The following CFHR5 variants were observed in gnomAD, a reference collection of about 807,000 sequenced individuals.
CFHR5 encodes complement factor H related 5, also known as complement factor H-related protein 5.
CFHR5 carries 73 observed loss-of-function variants against 62.9 expected under a neutral mutation model. The observed-to-expected ratio is 1.16, with a 90% confidence interval of 0.96 to 1.41. The LOEUF is 1.41. CFHR5 is among the 40% of genes most tolerant of loss of function. The pLI is 0.00. For synonymous variants in CFHR5, 249 were observed against 227.2 expected (o/e 1.10, Z -0.86); for missense variants, 779 against 679.9 (o/e 1.15, Z -1.62).
At chr1:197,002,420 C>T (rs1330970562) in intron 7 of CFHR5, 62 bp from the exon 8 acceptor site, 14 of 1,229,492 alleles carry the variant, frequency 1.1e-5, no homozygotes, top group Non-Finnish European at 1.5e-5. Flanking sequence ...GAAACACTAC[C>T]CTATTGAGCT....
At chr1:196,988,252 G>C (rs1653748236) in intron 3 of CFHR5, among the ~76,000 whole-genome samples, 1 of 152,142 alleles carries the variant, frequency 6.6e-6, no homozygotes, top group South Asian at 2.1e-4. Flanking sequence ...TTGCTTATCA[G>C]CTTAAGGAGA....
Position 196,998,131 on chromosome 1 carries a change from C to T in CFHR5, c.974C>T (p.Thr325Ile). The T allele has an allele frequency of 2.6e-6, 4 of 1,525,358 alleles. No homozygotes were observed. Among genetic ancestry groups the T allele is most frequent in the Non-Finnish European group, 3.6e-6 (4 of 1,124,650 alleles). The allele number at this position is 1,525,358 out of a possible 1,614,324, so 94.5% of individuals were successfully genotyped here. A position where few individuals can be genotyped will look rare whatever the true frequency, so the allele number is the denominator to read the frequency against. Reference sequence around the variant, plus strand: ...TATTTAATATTATTTTTTATAGCAACACACCAACTTAAGAGGTGCAAAATA... The same window carrying T: ...TATTTAATATTATTTTTTATAGCAATACACCAACTTAAGAGGTGCAAAATA... ...IWTELPMCVA[T>I]HQLKRCKIAG... is the part of the protein sequence containing the mutation. Residue 325 changes from threonine (T) to isoleucine (I), a missense_variant, in exon 7 of 10, where the codon ACA becomes ATA. Thr to Ile is a moderately conservative substitution (Grantham distance 89). Transcript: ENST00000256785.
chr1:196,983,471 A>G (rs1464058512), intron 2 of CFHR5, among the ~76,000 whole-genome samples: 3 of 152,126 alleles, frequency 2.0e-5, no homozygotes, highest in African/African-American at 7.2e-5. Context: ...AAGGTTTGGT[A>G]TTTTAACTTT....
At chr1:196,991,218 T>A (rs4915560) in intron 3 of CFHR5, among the ~76,000 whole-genome samples, 1 of 152,152 alleles carries the variant, frequency 6.6e-6, no homozygotes, top group African/African-American at 2.4e-5. Context: ...CTCCATCAGG[T>A]CATTTAAGGT....
chr1:196,980,181 A>G (rs898915479), intron 1 of CFHR5, among the ~76,000 whole-genome samples: 7 of 152,032 alleles, frequency 4.6e-5, no homozygotes, highest in African/African-American at 1.7e-4. Flanking sequence ...GTCCTCTCCT[A>G]TGATAACAAA....
At position 197,002,544 on chromosome 1, in the gene CFHR5, A is replaced by T. The variant is rs776153246; in HGVS notation, c.1210A>T (p.Thr404Ser). The T allele has an allele frequency of 6.2e-7, 1 of 1,613,710 alleles. No individual in the cohort carries two copies. Among genetic ancestry groups the T allele is most frequent in the South Asian group, 1.1e-5 (1 of 91,068 alleles). Residue 404 changes from threonine to serine, a missense_variant, in exon 8 of 10, where the codon ACA becomes TCA. Thr to Ser is a moderately conservative substitution (Grantham distance 58). Transcript: ENST00000256785. ...QIPNAQNMTT[T>S]VNYQDGEKVA... ...ACCTAATGCTCAGAATATGACAACC[A>T]CAGTGAATTATCAGGATGGAGAAAA...
Position 196,998,240 on chromosome 1 carries a change from C to T in CFHR5, c.1083C>T (p.Asp361=), listed in dbSNP as rs775374969. The change falls in exon 7 of 10, where the codon GAC becomes GAT. Residue 361 remains aspartate, a synonymous_variant. Transcript: ENST00000256785. Reference sequence around the variant, plus strand: ...CTAGAATACGTTACAGATGTTCAGACATCTTCAGATACAGGCACTCAGTCT... The same window carrying T: ...CTAGAATACGTTACAGATGTTCAGATATCTTCAGATACAGGCACTCAGTCT... ...HNSRIRYRCS[D]IFRYRHSVCI... The T allele has an allele frequency of 1.2e-6, 2 of 1,610,990 alleles. No individual in the cohort carries two copies. The highest frequency in any genetic ancestry group is 3.3e-4 in the Middle Eastern group (2 of 6,046).
chr1:196,999,296 A>T (rs951375727), intron 7 of CFHR5, among the ~76,000 whole-genome samples: 1 of 151,890 alleles, frequency 6.6e-6, no homozygotes, highest in Non-Finnish European at 1.5e-5. Context: ...ATTTCATTAT[A>T]TATTTTTTCT....
intron 7 of CFHR5, 109 bp downstream of exon 7, chr1:196,998,413 T>A (rs888736775): frequency 1.1e-6 from 1 of 905,266 alleles, no homozygotes. Context: ...ATATAATTTC[T>A]ATGCTAATAG....
chr1:197,000,730 G>T (rs936396237), intron 7 of CFHR5, among the ~76,000 whole-genome samples: 1 of 152,068 alleles, frequency 6.6e-6, no homozygotes, highest in Non-Finnish European at 1.5e-5. Context: ...AAAGAGTCTT[G>T]ATGATACTCA....
intron 3 of CFHR5, among the ~76,000 whole-genome samples, chr1:196,991,806 T>C (rs891734593): frequency 1.5e-4 from 23 of 152,170 alleles, no homozygotes; most frequent in Non-Finnish European, 2.9e-4. Context: ...GTTTTCCCCC[T>C]ACTGGGAGGT....
chr1:196,980,017 TTATTTATTTACCTTC>T (rs1653497937), intron 1 of CFHR5, among the ~76,000 whole-genome samples: 1 of 152,094 alleles, frequency 6.6e-6, no homozygotes, highest in South Asian at 2.1e-4. Context: ...TTTAAATTAT[TTATTTATTTACCTTC>T]TACACCTTTT....
At chr1:196,997,121 CCTCT>C (rs998623388) in intron 6 of CFHR5, among the ~76,000 whole-genome samples, 3 of 152,072 alleles carry the variant, frequency 2.0e-5, no homozygotes, top group African/African-American at 7.2e-5. Flanking sequence ...AACAGAACCG[CCTCT>C]CTCTCCATCT....
chr1:196,975,749 C>A (rs1367375430), upstream of CFHR5, among the ~76,000 whole-genome samples: 2 of 152,182 alleles, frequency 1.3e-5, no homozygotes, highest in African/African-American at 4.8e-5. Flanking sequence ...TAATTTAAAG[C>A]AAGGCAAGTC....
chr1:196,991,637 C>A (rs1361356411), intron 3 of CFHR5, among the ~76,000 whole-genome samples: 1 of 152,162 alleles, frequency 6.6e-6, no homozygotes, highest in Non-Finnish European at 1.5e-5. Flanking sequence ...AGCTGCAGGT[C>A]TGTTGGATTT....
intron 7 of CFHR5, among the ~76,000 whole-genome samples, chr1:197,000,792 C>T (rs1488101067): frequency 3.9e-5 from 6 of 151,992 alleles, no homozygotes; most frequent in Non-Finnish European, 7.4e-5. Flanking sequence ...CTTAAACCAC[C>T]AAACAGAAAT....
Position 197,008,645 on chromosome 1 carries a change from T to A in CFHR5, c.1672T>A (p.Cys558Ser). 1 of 1,613,894 alleles carries A rather than the reference T, an allele frequency of 6.2e-7. No individual in the cohort carries two copies. Among genetic ancestry groups the A allele is most frequent in the African/African-American group, 1.3e-5 (1 of 75,038 alleles). ...MISSPPFRAI[C>S]QEGKFEYPIC... ...ATCATCACCACCATTTCGAGCAATC[T>A]GTCAGGAAGGGAAATTTGAATATCC... Residue 558 changes from cysteine to serine, a missense_variant, in exon 10 of 10, where the codon TGT (cysteine) becomes AGT (serine). By Grantham distance (112) the Cys-to-Ser change is moderately radical. Coordinates refer to ENST00000256785, the MANE Select transcript of CFHR5 (RefSeq NM_030787.4).
chr1:196,984,113 ACTC>A lies in CFHR5; in HGVS notation c.411_413del (p.Pro138del), dbSNP rs757134794. 12 of 1,612,046 alleles carry A rather than the reference ACTC, an allele frequency of 7.4e-6. No homozygotes were observed. Among genetic ancestry groups the A allele is most frequent in the Non-Finnish European group, 1.0e-5 (12 of 1,179,176 alleles). ...TTCGTGTGTAGAACGGGGCTGGTCC[ACTC>A]CTCCCATATGCAGCTTCACTAGTAA... On this transcript the variant is annotated inframe_deletion, in exon 3 of 10. Transcript: ENST00000256785.
rs1325858874 is a variant in CFHR5 at position 196,995,892 on chromosome 1, T to C, written c.783T>C (p.Thr261=). The change falls in exon 5 of 10, where the codon ACT becomes ACC. Residue 261 remains threonine (T), a synonymous_variant. Coordinates refer to ENST00000256785, the MANE Select transcript of CFHR5 (RefSeq NM_030787.4). ...CVDGEWTTLP[T]CVEQVKTCGY... ...ATGGAGAATGGACAACTTTACCCAC[T>C]TGTGTTGGTAAATAAATATTAACAT... The C allele has an allele frequency of 4.3e-6, 7 of 1,610,774 alleles. No individual in the cohort carries two copies. The highest frequency in any genetic ancestry group is 5.9e-6 in the Non-Finnish European group (7 of 1,177,160).
Sources: gnomAD v4.1 joint callset for allele counts (sites outside exome capture counted in the v4.1 genomes callset) on GRCh38, gnomAD v4.1.1 for gene constraint, MANE v1.5 for transcripts, NCBI Gene and HGNC (gene_info 2026-07-23, HGNC 2026-07-21) for gene names.